Variants in RASGEF1C observed in about 807,000 individuals in gnomAD.
RASGEF1C encodes the protein RasGEF domain family member 1C, also known as ras-GEF domain-containing family member 1C.
Under a neutral mutation model 58.1 loss-of-function variants are expected in RASGEF1C, and 27 were observed. That is an observed-to-expected ratio of 0.46 (90% CI 0.34 to 0.64). The LOEUF is 0.64. RASGEF1C is among the 30% of genes least tolerant of loss of function. RASGEF1C has a pLI of 0.01. For missense variants in RASGEF1C, 502 were observed against 605.1 expected, an observed-to-expected ratio of 0.83 and a Z score of 1.79; for synonymous variants, 243 against 246.3, an observed-to-expected ratio of 0.99 and a Z score of 0.13.
rs1290011779 is a variant in RASGEF1C at position 180,101,305 on chromosome 5, AG to A, written c.*195del. On this transcript the variant is annotated 3_prime_UTR_variant, in exon 14 of 14. Transcript: ENST00000361132. The stretch of plus-strand genomic sequence containing the variant: ...ACGTCTGGAGGCCCTGGGTCCTGCC[AG>A]GGCCAAAGTCCCATAAAAGGTCTCC... 4.6e-4 allele frequency: 284 copies of A among 611,894 alleles called. 3 individuals carry two copies. Among genetic ancestry groups the A allele is most frequent in the Non-Finnish European group, 9.8e-5 (35 of 357,778 alleles). The allele number at this position is 611,894 out of a possible 1,614,324, so 37.9% of individuals were successfully genotyped here. A position where few individuals can be genotyped will look rare whatever the true frequency, so the allele number is the denominator to read the frequency against.
intron 1 of RASGEF1C, among the ~76,000 whole-genome samples, chr5:180,192,449 C>G (rs998258196): frequency 3.3e-5 from 5 of 152,118 alleles, no homozygotes; most frequent in Non-Finnish European, 7.4e-5. Context: ...ACATCAGTCA[C>G]ACAGCCGCTT....
At chr5:180,203,309 GA>G (rs1756428786) in intron 1 of RASGEF1C, among the ~76,000 whole-genome samples, 1 of 152,188 alleles carries the variant, frequency 6.6e-6, no homozygotes, top group African/African-American at 2.4e-5. Flanking sequence ...GTTATGTTAT[GA>G]CTCTCTAGGG....
intron 1 of RASGEF1C, among the ~76,000 whole-genome samples, chr5:180,196,326 C>T (rs948030533): frequency 2.0e-5 from 3 of 151,820 alleles, no homozygotes; most frequent in East Asian, 1.9e-4. Context: ...ATGGTGAAAC[C>T]CCATCTCTAC....
At chr5:180,114,807 G>A (rs765898336) in intron 10 of RASGEF1C, among the ~76,000 whole-genome samples, 23 of 152,250 alleles carry the variant, frequency 1.5e-4, no homozygotes, top group Admixed American at 2.6e-4. Flanking sequence ...TGGTGCCACC[G>A]CCCGTCCTGG....
At chr5:180,101,995 A>C in intron 13 of RASGEF1C, 76 bp downstream of exon 13, 2 of 738,026 alleles carry the variant, frequency 2.7e-6, no homozygotes, top group South Asian at 1.4e-5. Flanking sequence ...CCCGGGTCCC[A>C]CCTCGGCGCG....
In RASGEF1C at chr5:180,114,471, A is replaced by G; in HGVS notation, c.1154T>C (p.Leu385Pro). 1 of 1,612,920 alleles carries G rather than the reference A, an allele frequency of 6.2e-7. No individual in the cohort carries two copies. The highest frequency in any genetic ancestry group is 1.7e-4 in the Middle Eastern group (1 of 6,048). Residue 385 changes from leucine to proline, a missense_variant, in exon 11 of 14, where the codon CTT (leucine) becomes CCT (proline). Physicochemically the swap from Leu to Pro is moderately conservative, Grantham distance 98 (BLOSUM62 -3). Transcript: ENST00000361132. The stretch of plus-strand genomic sequence containing the variant: ...CTCAAAGTTGACGTGTCCATTGGGA[A>G]GGCGGTTGGCGCAGCCCTCATTCAG... ...YFLNEGCANR[L>P]PNGHVNFEKF...
rs114434903 is a variant in RASGEF1C at position 180,208,167 on chromosome 5, G to A, written c.-7+861C>T. 8.0e-3 allele frequency among the ~76,000 whole-genome samples: 1,218 copies of A among 152,076 alleles called. 17 individuals carry two copies. Among genetic ancestry groups the A allele is most frequent in the African/African-American group, 0.029 (1,183 of 41,480 alleles). On this transcript the variant is annotated intron_variant, in intron 1 of 13. Coordinates refer to ENST00000361132, the MANE Select transcript of RASGEF1C (RefSeq NM_175062.4). ...GGGACCCCAGCGTTGCCACTCCATG[G>A]TCCCGCCCCTCTCTAAACCTCAGTT...
At chr5:180,153,480 T>A (rs184941600) in intron 1 of RASGEF1C, among the ~76,000 whole-genome samples, 1 of 152,298 alleles carries the variant, frequency 6.6e-6, no homozygotes, top group East Asian at 1.9e-4. Context: ...ACTCCAGAAT[T>A]TCAAAATAGT....
At chr5:180,203,937 G>A (rs1326108828) in intron 1 of RASGEF1C, among the ~76,000 whole-genome samples, 1 of 152,152 alleles carries the variant, frequency 6.6e-6, no homozygotes, top group Non-Finnish European at 1.5e-5. Context: ...AGGTTGGAGT[G>A]AGCCGAGATC....
intron 1 of RASGEF1C, among the ~76,000 whole-genome samples, chr5:180,175,463 C>A (rs750062338): frequency 6.6e-6 from 1 of 152,204 alleles, no homozygotes; most frequent in African/African-American, 2.4e-5. Flanking sequence ...CTGCCATGTG[C>A]AGCCCCCTGA....
chr5:180,125,034 G>A (rs1424755738), intron 6 of RASGEF1C, among the ~76,000 whole-genome samples: 1 of 152,146 alleles, frequency 6.6e-6, no homozygotes, highest in African/African-American at 2.4e-5. Flanking sequence ...TTGGGGGGCT[G>A]AGGCAGGAGG....
intron 12 of RASGEF1C, among the ~76,000 whole-genome samples, chr5:180,109,185 G>A (rs1354778518): frequency 3.3e-5 from 5 of 152,272 alleles, no homozygotes; most frequent in East Asian, 1.9e-4. Context: ...GGCCAGGCGT[G>A]GTGGCTCACG....
chr5:180,123,774 C>G (rs1318287000), intron 6 of RASGEF1C, among the ~76,000 whole-genome samples: 1 of 151,936 alleles, frequency 6.6e-6, no homozygotes. Context: ...GTCAAAAGAT[C>G]TTTATTTGAA....
intron 4 of RASGEF1C, 27 bp from the exon 5 acceptor site, chr5:180,128,637 G>T: frequency 6.2e-7 from 1 of 1,605,688 alleles, no homozygotes; most frequent in Non-Finnish European, 8.5e-7. Flanking sequence ...AGGGCGCTCA[G>T]GACTGAACAC....
chr5:180,128,599 C>A lies in RASGEF1C; in HGVS notation c.450G>T (p.Lys150Asn). The A allele has an allele frequency of 6.2e-7, 1 of 1,613,808 alleles. No individual in the cohort carries two copies. The highest frequency in any genetic ancestry group is 1.1e-5 in the South Asian group (1 of 91,080). Residue 150 changes from lysine (K) to asparagine (N), a missense_variant, in exon 5 of 14, where the codon AAG becomes AAT. By Grantham distance (94) the Lys-to-Asn change is moderately conservative. Coordinates refer to ENST00000361132, the MANE Select transcript of RASGEF1C (RefSeq NM_175062.4). ...GAGCCTGTAGGAGCTGATGCATCCTCTTCCGGTATGCCTGGTGGGTGGAAA... is the reference window on the plus strand; with the variant it reads ...GAGCCTGTAGGAGCTGATGCATCCTATTCCGGTATGCCTGGTGGGTGGAAA... ...RIAPCDEAYR[K>N]RMHQLLQALH...
chr5:180,121,493 T>C (rs1766172432), intron 6 of RASGEF1C, among the ~76,000 whole-genome samples: 1 of 152,078 alleles, frequency 6.6e-6, no homozygotes, highest in Admixed American at 6.5e-5. Flanking sequence ...TTTTGTATTT[T>C]TAGTGGAGAC....
At chr5:180,164,284 C>A (rs1401623474) in intron 1 of RASGEF1C, among the ~76,000 whole-genome samples, 1 of 151,580 alleles carries the variant, frequency 6.6e-6, no homozygotes, top group Non-Finnish European at 1.5e-5. Flanking sequence ...GTCTATTTTG[C>A]TCCTCTTTCC....
At chr5:180,182,439 G>C (rs1306391861) in intron 1 of RASGEF1C, among the ~76,000 whole-genome samples, 2 of 152,160 alleles carry the variant, frequency 1.3e-5, no homozygotes, top group Non-Finnish European at 2.9e-5. Context: ...AAAGAACTCA[G>C]CTTCCACAGC....
At chr5:180,116,895 G>A (rs1766076530) in intron 10 of RASGEF1C, among the ~76,000 whole-genome samples, 1 of 152,270 alleles carries the variant, frequency 6.6e-6, no homozygotes, top group African/African-American at 2.4e-5. Context: ...AGGCTGGAGT[G>A]TGATCCTGGC....
Sources: gnomAD v4.1 joint callset for allele counts (sites outside exome capture counted in the v4.1 genomes callset) on GRCh38, gnomAD v4.1.1 for gene constraint, MANE v1.5 for transcripts, NCBI Gene and HGNC (gene_info 2026-07-23, HGNC 2026-07-21) for gene names.